The following VAMP1 variants were observed in gnomAD, a reference collection of about 807,000 sequenced individuals.
The protein encoded by VAMP1 is vesicle associated membrane protein 1, also known as vesicle-associated membrane protein 1.
VAMP1 carries 16 observed loss-of-function variants against 19.1 expected under a neutral mutation model. That is an observed-to-expected ratio of 0.84 (90% CI 0.57 to 1.27). VAMP1 has a LOEUF of 1.27. Ranked by LOEUF, VAMP1 falls within the 50% of genes most tolerant of loss-of-function variation. The pLI is 0.00. For synonymous variants in VAMP1, 37 were observed against 50.2 expected (o/e 0.74, Z 1.11); for missense variants, 109 against 145.4 (o/e 0.75, Z 1.29).
In VAMP1 at chr12:6,463,343, G is replaced by A; in HGVS notation, c.*1127C>T. The A allele has an allele frequency of 8.7e-7, 1 of 1,152,992 alleles. No individual in the cohort carries two copies. The highest frequency in any genetic ancestry group is 1.1e-6 in the Non-Finnish European group (1 of 930,756). The allele number at this position is 1,152,992 out of a possible 1,614,324, so 71.4% of individuals were successfully genotyped here. A position where few individuals can be genotyped will look rare whatever the true frequency, so the allele number is the denominator to read the frequency against. ...CCTCCCCCCAAGGTGGGGCTGGTGGGTCTACATGACTTCTCTGCATCCTGA... is the reference window on the plus strand; with the variant it reads ...CCTCCCCCCAAGGTGGGGCTGGTGGATCTACATGACTTCTCTGCATCCTGA... On this transcript the variant is annotated 3_prime_UTR_variant, in exon 5 of 5. Coordinates refer to ENST00000396308, the MANE Select transcript of VAMP1 (RefSeq NM_014231.5). The surrounding 1 kb of genome is among the most constrained non-coding windows in gnomAD (Gnocchi z 4.0).
In VAMP1 at chr12:6,465,923, A is replaced by C; in HGVS notation, c.207T>G (p.Ala69=). Reference sequence around the variant, plus strand: ...GTGATGCTCCTGCCTGCAAGGCATCAGCTCGGTCATCCAGCTCTGACAGCT... The same window carrying C: ...GTGATGCTCCTGCCTGCAAGGCATCCGCTCGGTCATCCAGCTCTGACAGCT... ...DQKLSELDDR[A]DALQAGASQF... The change falls in exon 3 of 5, where the codon GCT becomes GCG. Residue 69 remains alanine, a synonymous_variant. Coordinates refer to ENST00000396308, the MANE Select transcript of VAMP1 (RefSeq NM_014231.5). The C allele has an allele frequency of 6.2e-7, 1 of 1,614,270 alleles. No individual in the cohort carries two copies.
In VAMP1 at chr12:6,463,428, G is replaced by A; in HGVS notation, c.*1042C>T. ...CATCCCTGTCTTTGGCAAGTGCACG[G>A]GTGGTGTGGAGGAAAGGATTCCATG... On this transcript the variant is annotated 3_prime_UTR_variant, in exon 5 of 5. Transcript: ENST00000396308. The surrounding 1 kb of genome is among the most constrained non-coding windows in gnomAD (Gnocchi z 4.0). 1.9e-6 allele frequency: 2 copies of A among 1,053,702 alleles called. No individual in the cohort carries two copies. The highest frequency in any genetic ancestry group is 5.0e-5 in the Admixed American group (1 of 20,000). 65.3% of individuals were successfully genotyped at this position (1,053,702 alleles called of 1,614,324 possible). A position where few individuals can be genotyped will look rare whatever the true frequency, so the allele number is the denominator to read the frequency against.
chr12:6,469,492 C>T (rs1945713964), intron 1 of VAMP1, among the ~76,000 whole-genome samples: 1 of 152,012 alleles, frequency 6.6e-6, no homozygotes, highest in African/African-American at 2.4e-5. Flanking sequence ...CCATAGAAAT[C>T]AAAAAGAAAA....
At chr12:6,465,253 A>C (rs1949974248) in intron 3 of VAMP1, 3 of 448,118 alleles carry the variant, frequency 6.7e-6, no homozygotes, top group Non-Finnish European at 1.3e-5. Context: ...TTAACCAATT[A>C]GTTCAATTTT....
At chr12:6,468,211 C>T (rs1277143563) in intron 1 of VAMP1, among the ~76,000 whole-genome samples, 2 of 152,206 alleles carry the variant, frequency 1.3e-5, no homozygotes, top group Admixed American at 6.5e-5. Flanking sequence ...AATGCCAGTC[C>T]GTGAAGGGAG....
At chr12:6,465,717 CAA>C in intron 3 of VAMP1, 123 bp downstream of exon 3, 2 of 1,334,444 alleles carry the variant, frequency 1.5e-6, no homozygotes, top group Non-Finnish European at 2.0e-6. Context: ...GATTTCCTCC[CAA>C]GCGTTATGCT....
Position 6,464,176 on chromosome 12 carries a change from C to T in VAMP1, c.*294G>A. ...AGCCACTCCCCTCCCTGCCCCTTCC[C>T]TTGGCCTCCAACTCTTTGGGGCTTT... On this transcript the variant is annotated 3_prime_UTR_variant, in exon 5 of 5. Transcript: ENST00000396308. 1 of 1,450,322 alleles carries T rather than the reference C, an allele frequency of 6.9e-7. No homozygotes were observed. 89.8% of individuals were successfully genotyped at this position (1,450,322 alleles called of 1,614,324 possible). A position where few individuals can be genotyped will look rare whatever the true frequency, so the allele number is the denominator to read the frequency against.
At chr12:6,464,998 C>T (rs927947783) in intron 3 of VAMP1, 57 bp from the exon 4 acceptor site, 2 of 1,607,652 alleles carry the variant, frequency 1.2e-6, no homozygotes, top group Non-Finnish European at 1.7e-6. Context: ...GGAAAAGAGC[C>T]ACATCTCTAG....
rs754046104 is a variant in VAMP1 at position 6,465,984 on chromosome 12, C to A, written c.146G>T (p.Arg49Leu). 1 of 1,614,252 alleles carries A rather than the reference C, an allele frequency of 6.2e-7. No individual in the cohort carries two copies. Among genetic ancestry groups the A allele is most frequent in the South Asian group, 1.1e-5 (1 of 91,088 alleles). Residue 49 changes from arginine (R) to leucine (L), a missense_variant, in exon 3 of 5, where the codon CGT becomes CTT. Arg to Leu is a moderately radical substitution (Grantham distance 102). Transcript: ENST00000396308. The stretch of plus-strand genomic sequence containing the variant: ...CTCCAGGACCTTGTCCACGTTCACA[C>A]GTATGATGTCCACCACCTGAGGAGG... ...AQVEEVVDIIRVNVDKVLERD... is the reference protein window; with the variant it reads ...AQVEEVVDIILVNVDKVLERD...
intron 3 of VAMP1, chr12:6,465,373 A>ATATATATAT (rs1565525991): frequency 5.8e-5 from 6 of 104,214 alleles, no homozygotes; most frequent in East Asian, 2.5e-4. Context: ...TATATATATA[A>ATATATATAT]ATGTATATAT....
Position 6,463,263 on chromosome 12 carries a change from G to C in VAMP1, c.*1207C>G. ...AGAACAGAGAGGCGGCTCTCAAGGA[G>C]AGGGCCCCATGACAGCACAGCAATA... On this transcript the variant is annotated 3_prime_UTR_variant, in exon 5 of 5. Transcript: ENST00000396308. The surrounding 1 kb of genome is among the most constrained non-coding windows in gnomAD (Gnocchi z 4.0). 1 of 1,359,864 alleles carries C rather than the reference G, an allele frequency of 7.4e-7. No individual in the cohort carries two copies. Among genetic ancestry groups the C allele is most frequent in the Middle Eastern group, 2.8e-4 (1 of 3,558 alleles). The allele number at this position is 1,359,864 out of a possible 1,614,324, so 84.2% of individuals were successfully genotyped here. A position where few individuals can be genotyped will look rare whatever the true frequency, so the allele number is the denominator to read the frequency against.
chr12:6,465,047 A>ATCT, intron 3 of VAMP1, 106 bp from the exon 4 acceptor site: 2 of 1,537,334 alleles, frequency 1.3e-6, no homozygotes, highest in Admixed American at 1.9e-5. Flanking sequence ...GACAATGGAA[A>ATCT]AAACCACCCA....
rs760117522 is a variant in VAMP1, at chr12:6,464,341, G to A, written c.*129C>T. The A allele has an allele frequency of 1.0e-5, 16 of 1,550,484 alleles. No individual in the cohort carries two copies. The highest frequency in any genetic ancestry group is 1.2e-5 in the South Asian group (1 of 83,892). On this transcript the variant is annotated 3_prime_UTR_variant, in exon 5 of 5. Transcript: ENST00000396308. ...GCAAATGAACGCAACGAAAAAGGAGGAATGGGTGATGGAGAAGCCTGGGCT... is the reference window on the plus strand; with the variant it reads ...GCAAATGAACGCAACGAAAAAGGAGAAATGGGTGATGGAGAAGCCTGGGCT...
intron 1 of VAMP1, 112 bp downstream of exon 1, chr12:6,470,418 T>G: frequency 6.6e-7 from 1 of 1,512,684 alleles, no homozygotes; most frequent in Non-Finnish European, 9.1e-7. Context: ...CGGTGGTAGT[T>G]CCCCGCGTTG....
rs1949977309 is a variant in VAMP1, at chr12:6,465,357, A to AGTATATATATATAAATGTATATATAT, written c.289-417_289-416insATATATATACATTTATATATATATAC. The AGTATATATATATAAATGTATATATAT allele has an allele frequency of 1.4e-5, 3 of 214,362 alleles. No homozygotes were observed. The African/African-American group carries it at 1.5e-4, about 10-fold the overall frequency. 13.3% of individuals were successfully genotyped at this position (214,362 alleles called of 1,614,324 possible). On this transcript the variant is annotated intron_variant, in intron 3 of 4. Coordinates refer to ENST00000396308, the MANE Select transcript of VAMP1 (RefSeq NM_014231.5). ...AGCTGATTTAAAAGAAAAAGAAAAA[A>AGTATATATATATAAATGTATATATAT]GTATATATATATATAAATGTATATA...
chr12:6,465,466 AGTGTGTGTGTGTGTGTGTG>A (rs1949999391), intron 3 of VAMP1: 1 of 103,200 alleles, frequency 9.7e-6, no homozygotes, highest in African/African-American at 4.7e-5. Context: ...GTGTATATAT[AGTGTGTGTGTGTGTGTGTG>A]TGTGTGTATG....
Position 6,463,144 on chromosome 12 carries a change from T to C in VAMP1, c.*1326A>G. The C allele has an allele frequency of 6.8e-7, 1 of 1,466,720 alleles. No individual in the cohort carries two copies. 90.9% of individuals were successfully genotyped at this position (1,466,720 alleles called of 1,614,324 possible). A position where few individuals can be genotyped will look rare whatever the true frequency, so the allele number is the denominator to read the frequency against. The stretch of plus-strand genomic sequence containing the variant: ...GATCCCATCCTCAGGTTCCACTGTC[T>C]ATACACACAAACCATGCAAAGAGGA... On this transcript the variant is annotated 3_prime_UTR_variant, in exon 5 of 5. Coordinates refer to ENST00000396308, the MANE Select transcript of VAMP1 (RefSeq NM_014231.5). This position sits in a 1 kb window ranked among gnomAD's most constrained non-coding sequence, Gnocchi z 4.0.
chr12:6,464,059 C>G lies in VAMP1; in HGVS notation c.*411G>C. 2 of 1,299,038 alleles carry G rather than the reference C, an allele frequency of 1.5e-6. No individual in the cohort carries two copies. The highest frequency in any genetic ancestry group is 2.0e-6 in the Non-Finnish European group (2 of 995,338). 80.5% of individuals were successfully genotyped at this position (1,299,038 alleles called of 1,614,324 possible). On this transcript the variant is annotated 3_prime_UTR_variant, in exon 5 of 5. Coordinates refer to ENST00000396308, the MANE Select transcript of VAMP1 (RefSeq NM_014231.5). The stretch of plus-strand genomic sequence containing the variant: ...TGCCATCTTCCCAGCCCCTCCCTAG[C>G]TCCTACCAGTGGCCAGGTTTTCTAG...
Position 6,470,573 on chromosome 12 carries a change from C to T in VAMP1, c.-42G>A. On this transcript the variant is annotated 5_prime_UTR_variant, in exon 1 of 5. Transcript: ENST00000396308. ...GTGAGGGTCTGTTCCTCTCCGGAGG[C>T]TGCGGCGAGACACCCGGTGAGGGAC... 1.2e-6 allele frequency: 2 copies of T among 1,613,646 alleles called. No individual in the cohort carries two copies. Among genetic ancestry groups the T allele is most frequent in the Non-Finnish European group, 1.7e-6 (2 of 1,179,704 alleles).
Sources: allele counts gnomAD v4.1 joint callset (sites outside exome capture counted in the v4.1 genomes callset), GRCh38; gene constraint gnomAD v4.1.1; non-coding constraint Gnocchi (gnomAD v3.1); transcripts MANE v1.5; gene names NCBI Gene and HGNC (gene_info 2026-07-23, HGNC 2026-07-21).